The following TACC2 variants were observed in gnomAD, a reference collection of about 807,000 sequenced individuals.
The protein encoded by TACC2 is transforming acidic coiled-coil-containing protein 2.
In TACC2, 137 loss-of-function variants were observed where a neutral mutation model predicts 227.3. The observed-to-expected ratio is 0.60, with a 90% CI of 0.52 to 0.69. TACC2 has a LOEUF of 0.69. Among genes scored for constraint, TACC2 ranks in the 30% least tolerant of loss-of-function variants. TACC2 has a pLI of 0.00. For missense variants in TACC2, 3,470 were observed against 3,694.4 expected (o/e 0.94, Z 1.57); for synonymous variants, 1,523 against 1,487.5 (o/e 1.02, Z -0.55).
intron 7 of TACC2, among the ~76,000 whole-genome samples, chr10:122,145,160 G>A (rs1487477647): frequency 6.6e-6 from 1 of 152,132 alleles, no homozygotes; most frequent in Non-Finnish European, 1.5e-5. Flanking sequence ...ATATGACCCA[G>A]CAATCCCATT....
intron 5 of TACC2, among the ~76,000 whole-genome samples, chr10:122,110,263 T>C (rs1409312399): frequency 1.3e-5 from 2 of 152,156 alleles, no homozygotes; most frequent in African/African-American, 4.8e-5. Flanking sequence ...AGATTCCAGG[T>C]ATCCCAAGAC....
chr10:122,199,714 C>T (rs2094714631), intron 8 of TACC2, among the ~76,000 whole-genome samples: 3 of 152,306 alleles, frequency 2.0e-5, no homozygotes, highest in South Asian at 2.1e-4. Flanking sequence ...CGGCTATCAA[C>T]GTAACCATAG....
intron 7 of TACC2, among the ~76,000 whole-genome samples, chr10:122,157,444 C>T (rs531994701): frequency 1.9e-4 from 29 of 152,050 alleles, no homozygotes; most frequent in Non-Finnish European, 3.5e-4. Flanking sequence ...CATATACATA[C>T]AGTCACCTGG....
intron 8 of TACC2, among the ~76,000 whole-genome samples, chr10:122,208,852 G>C (rs1363064102): frequency 6.6e-6 from 1 of 152,194 alleles, no homozygotes; most frequent in African/African-American, 2.4e-5. Flanking sequence ...TAGGCCTGCA[G>C]ACCGCTTTAT....
chr10:122,119,186 T>G (rs2085262435), intron 5 of TACC2, among the ~76,000 whole-genome samples: 1 of 152,242 alleles, frequency 6.6e-6, no homozygotes, highest in Non-Finnish European at 1.5e-5. Flanking sequence ...TATTTCTACA[T>G]ATATTTTTTC....
At chr10:122,175,956 C>T (rs1212114863) in intron 7 of TACC2, among the ~76,000 whole-genome samples, 4 of 151,954 alleles carry the variant, frequency 2.6e-5, no homozygotes, top group Non-Finnish European at 5.9e-5. Context: ...TGGTGCACGC[C>T]TATAGTCCCA....
intron 5 of TACC2, among the ~76,000 whole-genome samples, chr10:122,123,324 AC>A (rs2086206577): frequency 6.6e-6 from 1 of 152,000 alleles, no homozygotes; most frequent in Admixed American, 6.6e-5. Flanking sequence ...AAATCTTGTT[AC>A]TCACCTGGCC....
chr10:122,134,090 T>C (rs975277193), intron 6 of TACC2, among the ~76,000 whole-genome samples: 4 of 151,804 alleles, frequency 2.6e-5, no homozygotes, highest in Non-Finnish European at 4.4e-5. Context: ...AGCTGCAGGC[T>C]GGAAGCAGAT....
chr10:122,087,504 C>T lies in TACC2; in HGVS notation c.5004C>T (p.Ile1668=). ...GERRPGVTAG[I]LEMRNALGNQ... is the part of the protein sequence containing the mutation. ...GGAGACCCGGAGTCACTGCTGGCAT[C>T]TTGGAAATGCGAAATGCCCTGGGCA... The change falls in exon 4 of 23, where the codon ATC becomes ATT. Residue 1668 remains isoleucine (I), a synonymous_variant. Transcript: ENST00000369005. 2.5e-6 allele frequency: 4 copies of T among 1,613,998 alleles called. No individual in the cohort carries two copies. The highest frequency in any genetic ancestry group is 3.4e-6 in the Non-Finnish European group (4 of 1,180,048).
Position 122,033,006 on chromosome 10 carries a change from A to G in TACC2, c.33+10992A>G, listed in dbSNP as rs11200356. ...CAACAACAACAACAACAACAAAAAC[A>G]AAAAAACCCCACAAAAACACCAAAG... is the stretch of plus-strand genomic sequence containing the variant. On this transcript the variant is annotated intron_variant, in intron 2 of 22. Coordinates refer to ENST00000369005, the MANE Select transcript of TACC2 (RefSeq NM_206862.4). 3 of 818,484 alleles carry G rather than the reference A, an allele frequency of 3.7e-6. No homozygotes were observed. The South Asian group carries it at 4.3e-5, about 12-fold the overall frequency. The allele number at this position is 818,484 out of a possible 1,614,324, so 50.7% of individuals were successfully genotyped here. A position where few individuals can be genotyped will look rare whatever the true frequency, so the allele number is the denominator to read the frequency against.
At position 122,210,288 on chromosome 10, in the gene TACC2, G is replaced by A. The variant is rs781499359; in HGVS notation, c.5972-109G>A. 2 of 850,374 alleles carry A rather than the reference G, an allele frequency of 2.4e-6. No individual in the cohort carries two copies. The highest frequency in any genetic ancestry group is 3.9e-6 in the Non-Finnish European group (2 of 515,798). 52.7% of individuals were successfully genotyped at this position (850,374 alleles called of 1,614,324 possible). ...ACAGTGATGGGCGGGGTGGCCTGGG[G>A]CCGTGGTTTGTCAACCCCTACGCTG... On this transcript the variant is annotated intron_variant, in intron 8 of 22. Transcript: ENST00000369005. The surrounding 1 kb of genome is among the most constrained non-coding windows in gnomAD (Gnocchi z 4.6).
intron 7 of TACC2, among the ~76,000 whole-genome samples, chr10:122,149,720 G>C (rs371953848): frequency 1.6e-4 from 25 of 152,350 alleles, no homozygotes; most frequent in African/African-American, 5.8e-4. Context: ...CCTTGTAGGC[G>C]GGGTGCAGAT....
intron 3 of TACC2, among the ~76,000 whole-genome samples, chr10:122,053,381 C>A (rs955983046): frequency 3.3e-5 from 5 of 151,954 alleles, no homozygotes; most frequent in African/African-American, 1.2e-4. Context: ...TCAGTCACCC[C>A]CCCAGGTCCC....
intron 1 of TACC2, among the ~76,000 whole-genome samples, chr10:122,016,492 G>A (rs185987617): frequency 3.3e-4 from 50 of 151,496 alleles, no homozygotes; most frequent in East Asian, 7.8e-4. Flanking sequence ...GCTTGAACCC[G>A]GGAGATGGAG....
chr10:122,195,269 C>T lies in TACC2; in HGVS notation c.5971+93C>T, dbSNP rs945574937. The T allele has an allele frequency of 1.1e-4, 122 of 1,155,750 alleles. 1 individual carries two copies. Among genetic ancestry groups the T allele is most frequent in the Non-Finnish European group, 1.3e-4 (108 of 821,632 alleles). The allele number at this position is 1,155,750 out of a possible 1,614,324, so 71.6% of individuals were successfully genotyped here. A position where few individuals can be genotyped will look rare whatever the true frequency, so the allele number is the denominator to read the frequency against. On this transcript the variant is annotated intron_variant, in intron 8 of 22. Coordinates refer to ENST00000369005, the MANE Select transcript of TACC2 (RefSeq NM_206862.4). ...AGTTCCTCCTGGGTCAGGCTGGAGG[C>T]GAGCACTGACTCGACCTCTTGGCTT...
At chr10:122,122,772 A>C (rs1446951718) in intron 5 of TACC2, among the ~76,000 whole-genome samples, 5 of 152,318 alleles carry the variant, frequency 3.3e-5, no homozygotes, top group Non-Finnish European at 7.3e-5. Context: ...GTGTGTGCAG[A>C]GCCCTTCGCA....
intron 1 of TACC2, among the ~76,000 whole-genome samples, chr10:122,008,246 GTTATTATTA>G (rs1554958021): frequency 8.9e-6 from 1 of 111,848 alleles, no homozygotes; most frequent in African/African-American, 3.2e-5. Flanking sequence ...CTATCCCTTT[GTTATTATTA>G]TTATTATTAT....
At chr10:122,252,523 C>T (rs533145538) in intron 22 of TACC2, among the ~76,000 whole-genome samples, 28 of 149,918 alleles carry the variant, frequency 1.9e-4, no homozygotes, top group Middle Eastern at 3.5e-3. Context: ...TGAAGTCTGT[C>T]TCTGTTGCCC....
intron 2 of TACC2, among the ~76,000 whole-genome samples, chr10:122,033,560 A>C (rs887364499): frequency 1.3e-5 from 2 of 152,134 alleles, no homozygotes; most frequent in African/African-American, 4.8e-5. Context: ...AGCAAAACTG[A>C]TTTGTTGTAA....
Sources: gnomAD v4.1 joint callset for allele counts (sites outside exome capture counted in the v4.1 genomes callset) on GRCh38, gnomAD v4.1.1 for gene constraint, Gnocchi (gnomAD v3.1) non-coding constraint, MANE v1.5 for transcripts, NCBI Gene and HGNC (gene_info 2026-07-23, HGNC 2026-07-21) for gene names.